Variants in KIF13B observed in about 807,000 individuals in gnomAD.
KIF13B encodes the protein kinesin family member 13B, also known as kinesin-like protein KIF13B.
In KIF13B, 127 loss-of-function variants were observed where a neutral mutation model predicts 222.0. The observed-to-expected ratio is 0.57, with a 90% CI of 0.50 to 0.66. The LOEUF is 0.66. Among genes scored for constraint, KIF13B ranks in the 30% least tolerant of loss-of-function variants. The pLI is 0.00. For synonymous variants in KIF13B, 976 were observed against 919.0 expected, an observed-to-expected ratio of 1.06 and a Z score of -1.12; for missense variants, 2,173 against 2,379.0, an observed-to-expected ratio of 0.91 and a Z score of 1.80.
At chr8:29,104,613 A>G (rs968165009) in intron 35 of KIF13B, among the ~76,000 whole-genome samples, 1 of 152,080 alleles carries the variant, frequency 6.6e-6, no homozygotes, top group Non-Finnish European at 1.5e-5. Context: ...TGGTCATATT[A>G]CTGCTCTGTT....
chr8:29,113,123 G>GA (rs1809433097), intron 32 of KIF13B, among the ~76,000 whole-genome samples: 1 of 152,178 alleles, frequency 6.6e-6, no homozygotes, highest in African/African-American at 2.4e-5. Flanking sequence ...ATAAGTGACA[G>GA]AAACAAGATT....
chr8:29,111,926 C>T (rs1207299444), intron 32 of KIF13B, among the ~76,000 whole-genome samples: 2 of 152,198 alleles, frequency 1.3e-5, no homozygotes, highest in African/African-American at 4.8e-5. Context: ...CAATCTATTA[C>T]AGGCCCAAGA....
chr8:29,087,787 G>A lies in KIF13B; in HGVS notation c.4458+4958C>T, dbSNP rs76134899. Among the ~76,000 whole-genome samples the A allele has an allele frequency of 1.1e-3, 165 of 152,216 alleles. 4 individuals are homozygous for A. In the East Asian group the frequency reaches 0.03, roughly 28 times the overall value. On this transcript the variant is annotated intron_variant, in intron 37 of 39. Coordinates refer to ENST00000524189, the MANE Select transcript of KIF13B (RefSeq NM_015254.4). ...ACGAAGCGTTTCCCAGATGAGATGT[G>A]GGAGACTCATCTAGAGCTGTTAAGA...
chr8:29,199,944 A>C (rs1813621242), intron 2 of KIF13B, among the ~76,000 whole-genome samples: 1 of 152,216 alleles, frequency 6.6e-6, no homozygotes, highest in South Asian at 2.1e-4. Context: ...GGGGAAAAAT[A>C]TATATTTAGT....
intron 2 of KIF13B, among the ~76,000 whole-genome samples, chr8:29,205,685 T>C (rs1813898696): frequency 6.6e-6 from 1 of 152,180 alleles, no homozygotes; most frequent in African/African-American, 2.4e-5. Flanking sequence ...GTAATGTCAT[T>C]AGAATTAATA....
At chr8:29,225,052 T>A (rs554029465) in intron 2 of KIF13B, among the ~76,000 whole-genome samples, 32 of 152,348 alleles carry the variant, frequency 2.1e-4, no homozygotes, top group South Asian at 1.2e-3. Flanking sequence ...GGAATGAAAG[T>A]TGTCATTACT....
intron 30 of KIF13B, 56 bp downstream of exon 30, chr8:29,118,812 G>A (rs1809722271): frequency 6.3e-7 from 1 of 1,585,970 alleles, no homozygotes; most frequent in Non-Finnish European, 8.6e-7. Flanking sequence ...AAAAGCTCGA[G>A]GAGAGGTTAA....
At position 29,167,357 on chromosome 8, in the gene KIF13B, C is replaced by A; in HGVS notation, c.1158+16G>T. 1 of 1,599,682 alleles carries A rather than the reference C, an allele frequency of 6.3e-7. No individual in the cohort carries two copies. The highest frequency in any genetic ancestry group is 8.6e-7 in the Non-Finnish European group (1 of 1,169,254). ...TCTTCCTGGACTCACAGGGCGCACGCGGTGGTGCCTCCTACCTCTGCTTTG... is the reference window on the plus strand; with the variant it reads ...TCTTCCTGGACTCACAGGGCGCACGAGGTGGTGCCTCCTACCTCTGCTTTG... On this transcript the variant is annotated intron_variant, in intron 11 of 39. Transcript: ENST00000524189.
intron 12 of KIF13B, 25 bp downstream of exon 12, chr8:29,165,637 C>G: frequency 6.8e-7 from 1 of 1,462,208 alleles, no homozygotes; most frequent in Non-Finnish European, 9.6e-7. Flanking sequence ...AGGTTTCATG[C>G]GCTTCATCAT....
chr8:29,201,719 T>C (rs951659240), intron 2 of KIF13B, among the ~76,000 whole-genome samples: 1 of 152,238 alleles, frequency 6.6e-6, no homozygotes. Context: ...CAACCCGCTG[T>C]ATAACGGATG....
intron 1 of KIF13B, among the ~76,000 whole-genome samples, chr8:29,245,788 A>AAGAC (rs61515718): frequency 0.52 from 78,858 of 151,664 alleles, 21,627 homozygotes; most frequent in African/African-American, 0.69. Flanking sequence ...AGTAAATCCT[A>AAGAC]AGAGAAAATC....
At chr8:29,169,280 G>A (rs28581352) in intron 10 of KIF13B, among the ~76,000 whole-genome samples, 18,132 of 152,186 alleles carry the variant, frequency 0.12, 1,231 homozygotes, top group South Asian at 0.15. Flanking sequence ...TCGGACAATG[G>A]AGGTTAAATC....
Position 29,117,052 on chromosome 8 carries a change from A to C in KIF13B, c.3661-45T>G, listed in dbSNP as rs4397452. The stretch of plus-strand genomic sequence containing the variant: ...GAAACAGGTTTCTCTCTTCTCCAGA[A>C]ACATGAAAACTCTTTCAAGGAAACC... On this transcript the variant is annotated intron_variant, in intron 30 of 39. Coordinates refer to ENST00000524189, the MANE Select transcript of KIF13B (RefSeq NM_015254.4). 19 of 1,497,450 alleles carry C rather than the reference A, an allele frequency of 1.3e-5. No homozygotes were observed. In the South Asian group the frequency reaches 2.2e-4, roughly 17 times the overall value. The allele number at this position is 1,497,450 out of a possible 1,614,324, so 92.8% of individuals were successfully genotyped here.
chr8:29,080,966 G>A (rs1276108014), intron 37 of KIF13B, among the ~76,000 whole-genome samples: 1 of 152,138 alleles, frequency 6.6e-6, no homozygotes, highest in Non-Finnish European at 1.5e-5. Flanking sequence ...TACAGCTGGA[G>A]GGAGCTTTCC....
In KIF13B at chr8:29,116,816, C is replaced by T; in HGVS notation, c.3837+15G>A. 1 of 1,267,436 alleles carries T rather than the reference C, an allele frequency of 7.9e-7. No individual in the cohort carries two copies. Among genetic ancestry groups the T allele is most frequent in the Non-Finnish European group, 1.1e-6 (1 of 903,804 alleles). The allele number at this position is 1,267,436 out of a possible 1,614,324, so 78.5% of individuals were successfully genotyped here. A position where few individuals can be genotyped will look rare whatever the true frequency, so the allele number is the denominator to read the frequency against. ...GCAACTGTGGTTAGAGTCGTTTCTTCCACTGAAGACTAACCTGGCGGCCGT... is the reference window on the plus strand; with the variant it reads ...GCAACTGTGGTTAGAGTCGTTTCTTTCACTGAAGACTAACCTGGCGGCCGT... On this transcript the variant is annotated intron_variant, in intron 31 of 39. Transcript: ENST00000524189.
intron 12 of KIF13B, among the ~76,000 whole-genome samples, chr8:29,162,751 A>C (rs1167983108): frequency 6.6e-6 from 1 of 152,270 alleles, no homozygotes; most frequent in African/African-American, 2.4e-5. Flanking sequence ...TCATCTAAAA[A>C]AATTACAAAT....
rs117185914 is a variant in KIF13B at position 29,173,670 on chromosome 8, G to A, written c.945+2398C>T. Among the ~76,000 whole-genome samples, 32 of 151,658 alleles carry A rather than the reference G, an allele frequency of 2.1e-4. No individual in the cohort carries two copies. In the East Asian group the frequency reaches 3.5e-3, roughly 17 times the overall value. The stretch of plus-strand genomic sequence containing the variant: ...AAAAAAAACAAATTCCTGGCCAGTC[G>A]CAGTGGCTCATGCCTGTAATCCCGG... On this transcript the variant is annotated intron_variant, in intron 10 of 39. Transcript: ENST00000524189.
chr8:29,148,419 G>C (rs1339007231), intron 16 of KIF13B, among the ~76,000 whole-genome samples, 158 bp downstream of exon 16: 1 of 149,034 alleles, frequency 6.7e-6, no homozygotes, highest in Non-Finnish European at 1.5e-5. Flanking sequence ...TTTTTAAAGA[G>C]AGAACGTCTT....
At chr8:29,117,079 C>T in intron 30 of KIF13B, 72 bp from the exon 31 acceptor site, 3 of 1,411,360 alleles carry the variant, frequency 2.1e-6, no homozygotes, top group Non-Finnish European at 2.9e-6. Flanking sequence ...AAGGAAACCA[C>T]CTTGGCTCAG....
Sources: allele counts gnomAD v4.1 joint callset (sites outside exome capture counted in the v4.1 genomes callset), GRCh38; gene constraint gnomAD v4.1.1; transcripts MANE v1.5; gene names NCBI Gene and HGNC (gene_info 2026-07-23, HGNC 2026-07-21).